Variants in CSMD1 observed in about 807,000 individuals in gnomAD.
CSMD1 encodes CUB and Sushi multiple domains 1, also known as CUB and sushi domain-containing protein 1.
In CSMD1, 213 loss-of-function variants were observed where a neutral mutation model predicts 417.5. That is an observed-to-expected ratio of 0.51 (90% CI 0.46 to 0.57). The LOEUF is 0.57. Ranked by LOEUF, CSMD1 falls within the 20% of genes least tolerant of loss-of-function variation. The pLI, the probability that CSMD1 is intolerant of heterozygous loss-of-function variation, is 0.00. For synonymous variants in CSMD1, 2,862 were observed against 1,736.8 expected, an observed-to-expected ratio of 1.65 and a Z score of -16.11; for missense variants, 6,923 against 4,529.7, an observed-to-expected ratio of 1.53 and a Z score of -15.17.
intron 3 of CSMD1, among the ~76,000 whole-genome samples, chr8:4,134,252 T>G (rs558732626): frequency 6.6e-6 from 1 of 152,222 alleles, no homozygotes; most frequent in Non-Finnish European, 1.5e-5. Flanking sequence ...GCTGATATAT[T>G]AAATGCCATT....
chr8:4,311,491 G>A (rs916581238), intron 3 of CSMD1, among the ~76,000 whole-genome samples: 1 of 152,150 alleles, frequency 6.6e-6, no homozygotes, highest in Non-Finnish European at 1.5e-5. Flanking sequence ...AGAAGGCCAA[G>A]TTGGGCAGAT....
At chr8:3,133,709 C>G (rs895131093) in intron 41 of CSMD1, among the ~76,000 whole-genome samples, 1 of 152,076 alleles carries the variant, frequency 6.6e-6, no homozygotes, top group Non-Finnish European at 1.5e-5. Context: ...GGCAGGAGTG[C>G]CCAGCACCTC....
chr8:3,289,405 G>T (rs1430818885), intron 25 of CSMD1, among the ~76,000 whole-genome samples: 2 of 147,372 alleles, frequency 1.4e-5, no homozygotes, highest in African/African-American at 2.7e-5. Context: ...TCGCCACACT[G>T]ACTTCACAAT....
intron 1 of CSMD1, among the ~76,000 whole-genome samples, chr8:4,914,986 G>T (rs976745289): frequency 6.6e-6 from 1 of 152,182 alleles, no homozygotes; most frequent in Non-Finnish European, 1.5e-5. Flanking sequence ...GAAATTACCA[G>T]GCAATAGCTA....
chr8:2,944,296 G>A (rs1266405115), intron 68 of CSMD1, among the ~76,000 whole-genome samples: 1 of 152,172 alleles, frequency 6.6e-6, no homozygotes, highest in Non-Finnish European at 1.5e-5. Flanking sequence ...TTTGTTCCAT[G>A]GCTGAAGGGG....
At chr8:3,150,320 C>G (rs536961019) in intron 40 of CSMD1, among the ~76,000 whole-genome samples, 4 of 152,210 alleles carry the variant, frequency 2.6e-5, no homozygotes, top group African/African-American at 9.6e-5. Flanking sequence ...CCGTCCCCAT[C>G]GAGCTGCTCT....
chr8:4,310,198 C>G (rs4875323), intron 3 of CSMD1, among the ~76,000 whole-genome samples: 1 of 151,936 alleles, frequency 6.6e-6, no homozygotes, highest in South Asian at 2.1e-4. Context: ...TGGTAATCTC[C>G]TTTCCATCTA....
At chr8:4,063,219 G>A (rs1476493356) in intron 3 of CSMD1, among the ~76,000 whole-genome samples, 1 of 151,972 alleles carries the variant, frequency 6.6e-6, no homozygotes, top group African/African-American at 2.4e-5. Flanking sequence ...GAGACTTTGT[G>A]TGCATATTTC....
chr8:4,416,924 C>G (rs1021625524), intron 3 of CSMD1, among the ~76,000 whole-genome samples: 1 of 152,126 alleles, frequency 6.6e-6, no homozygotes, highest in East Asian at 1.9e-4. Flanking sequence ...TAATAGTAAT[C>G]TTATTATAAA....
chr8:3,073,634 G>A (rs183442213), intron 49 of CSMD1, among the ~76,000 whole-genome samples: 6 of 152,196 alleles, frequency 3.9e-5, no homozygotes, highest in Non-Finnish European at 7.4e-5. Context: ...AGATTAAGAT[G>A]TTTCAATTCA....
chr8:3,664,487 G>A (rs1296317953), intron 7 of CSMD1, among the ~76,000 whole-genome samples: 7 of 152,216 alleles, frequency 4.6e-5, no homozygotes, highest in Admixed American at 4.6e-4. Context: ...TGTTAATCAT[G>A]CATAGAATAT....
At chr8:3,595,817 CACCTATCTAT>C (rs1364831706) in intron 8 of CSMD1, among the ~76,000 whole-genome samples, 1 of 152,174 alleles carries the variant, frequency 6.6e-6, no homozygotes, top group East Asian at 1.9e-4. Context: ...CACGTTCACC[CACCTATCTAT>C]ACAAAGGCAA....
intron 3 of CSMD1, among the ~76,000 whole-genome samples, chr8:4,050,264 C>G (rs994561095): frequency 1.3e-5 from 2 of 152,050 alleles, no homozygotes; most frequent in East Asian, 1.9e-4. Context: ...TTCCTTGCAG[C>G]CTATACTCTT....
At chr8:3,016,019 G>T (rs1229333985) in intron 52 of CSMD1, among the ~76,000 whole-genome samples, 8 of 152,092 alleles carry the variant, frequency 5.3e-5, no homozygotes, top group Non-Finnish European at 1.2e-4. Context: ...GTCTGAATTA[G>T]CATGATAGTA....
rs1584967070 is a variant in CSMD1, at chr8:4,702,864, A to T, written c.86-65306T>A. 2.0e-5 allele frequency among the ~76,000 whole-genome samples: 3 copies of T among 152,328 alleles called. No homozygotes were observed. The East Asian group carries it at 5.8e-4, about 29-fold the overall frequency. On this transcript the variant is annotated intron_variant, in intron 1 of 69. Coordinates refer to ENST00000635120, the MANE Select transcript of CSMD1 (RefSeq NM_033225.6). Reference sequence around the variant, plus strand: ...TCTTTAATGGATAACATTATTAAAGAAAATTATTTAAAAGTCTCTAAAAAG... The same window carrying T: ...TCTTTAATGGATAACATTATTAAAGTAAATTATTTAAAAGTCTCTAAAAAG...
chr8:4,093,182 G>A (rs1446162661), intron 3 of CSMD1, among the ~76,000 whole-genome samples: 5 of 152,234 alleles, frequency 3.3e-5, no homozygotes, highest in African/African-American at 7.2e-5. Context: ...CAAGTAAACA[G>A]AAAATTTGAA....
chr8:4,291,246 T>C (rs916108090), intron 3 of CSMD1, among the ~76,000 whole-genome samples: 2 of 152,088 alleles, frequency 1.3e-5, no homozygotes, highest in Non-Finnish European at 2.9e-5. Flanking sequence ...TGTGCAAATA[T>C]TAAGTAATAA....
chr8:4,299,270 A>G (rs1049318696), intron 3 of CSMD1, among the ~76,000 whole-genome samples: 4 of 152,208 alleles, frequency 2.6e-5, no homozygotes, highest in South Asian at 2.1e-4. Context: ...AAACCGTCGG[A>G]TAAGATAAAG....
At chr8:3,505,703 C>G (rs768740705) in intron 10 of CSMD1, among the ~76,000 whole-genome samples, 13 of 152,140 alleles carry the variant, frequency 8.5e-5, no homozygotes, top group African/African-American at 3.1e-4. Flanking sequence ...ACCAACAACA[C>G]TATGAGCACT....
Sources: allele counts gnomAD v4.1 joint callset (sites outside exome capture counted in the v4.1 genomes callset), GRCh38; gene constraint gnomAD v4.1.1; transcripts MANE v1.5; gene names NCBI Gene and HGNC (gene_info 2026-07-23, HGNC 2026-07-21).